Variants in CSMD1 observed in about 807,000 individuals in gnomAD.
CSMD1 encodes CUB and sushi domain-containing protein 1.
A neutral mutation model predicts 417.5 loss-of-function variants in CSMD1; 213 were observed. The observed-to-expected ratio is 0.51, with a 90% CI of 0.46 to 0.57. The LOEUF (loss-of-function observed/expected upper bound fraction) is 0.57, where lower values mean the gene tolerates loss of function less well. CSMD1 is among the 20% of genes least tolerant of loss of function. The pLI is 0.00. For missense variants in CSMD1, 6,923 were observed against 4,529.7 expected (o/e 1.53, Z -15.17); for synonymous variants, 2,862 against 1,736.8 (o/e 1.65, Z -16.11).
At chr8:4,204,743 C>T (rs945040587) in intron 3 of CSMD1, among the ~76,000 whole-genome samples, 1 of 152,138 alleles carries the variant, frequency 6.6e-6, no homozygotes, top group Non-Finnish European at 1.5e-5. Flanking sequence ...CAGCCTCAAC[C>T]TCCCAGCCTC....
intron 26 of CSMD1, among the ~76,000 whole-genome samples, chr8:3,251,010 G>A (rs1329528709): frequency 6.6e-6 from 1 of 152,076 alleles, no homozygotes; most frequent in African/African-American, 2.4e-5. Context: ...CCATTTTGTA[G>A]GTTGCCTGTT....
At chr8:4,653,562 A>G (rs1804042742) in intron 1 of CSMD1, among the ~76,000 whole-genome samples, 1 of 152,056 alleles carries the variant, frequency 6.6e-6, no homozygotes, top group Non-Finnish European at 1.5e-5. Context: ...TTGTTTCAAA[A>G]TGGAAAGTTT....
chr8:4,294,020 C>T (rs1255321936), intron 3 of CSMD1, among the ~76,000 whole-genome samples: 1 of 152,152 alleles, frequency 6.6e-6, no homozygotes, highest in Non-Finnish European at 1.5e-5. Flanking sequence ...GGATAAGAAT[C>T]AGGACTTCTG....
chr8:4,882,389 T>C (rs7012554), intron 1 of CSMD1, among the ~76,000 whole-genome samples: 2,920 of 151,628 alleles, frequency 0.019, 117 homozygotes, highest in African/African-American at 0.067. Context: ...TTGAAGAGTA[T>C]TGGGGAGCGA....
intron 2 of CSMD1, among the ~76,000 whole-genome samples, chr8:4,528,955 T>G (rs776169728): frequency 2.0e-5 from 3 of 152,226 alleles, no homozygotes; most frequent in African/African-American, 7.2e-5. Context: ...GAACATACTG[T>G]ATTTTTGTTA....
At chr8:4,957,517 C>A (rs1224176516) in intron 1 of CSMD1, among the ~76,000 whole-genome samples, 1 of 152,120 alleles carries the variant, frequency 6.6e-6, no homozygotes, top group Non-Finnish European at 1.5e-5. Flanking sequence ...TTCTTATCAA[C>A]TTTTCTGAAG....
At chr8:3,819,718 C>A (rs1420970324) in intron 5 of CSMD1, among the ~76,000 whole-genome samples, 1 of 152,136 alleles carries the variant, frequency 6.6e-6, no homozygotes, top group South Asian at 2.1e-4. Flanking sequence ...TCCTGGGGAA[C>A]TGGGACCACA....
intron 36 of CSMD1, among the ~76,000 whole-genome samples, chr8:3,186,002 A>C (rs1391694556): frequency 6.6e-6 from 1 of 150,728 alleles, no homozygotes; most frequent in Non-Finnish European, 1.5e-5. Flanking sequence ...ATTTTAATTT[A>C]TTTTTCCCAG....
intron 3 of CSMD1, among the ~76,000 whole-genome samples, chr8:4,036,785 T>C (rs1377659702): frequency 6.6e-6 from 1 of 152,226 alleles, no homozygotes. Flanking sequence ...AGCACCACTA[T>C]TTCATTATAA....
intron 57 of CSMD1, among the ~76,000 whole-genome samples, chr8:2,972,186 GA>G (rs1166656550): frequency 6.6e-6 from 1 of 151,798 alleles, no homozygotes; most frequent in African/African-American, 2.4e-5. Context: ...TACCTATATA[GA>G]ATGTATAATA....
chr8:3,560,222 A>G lies in CSMD1; in HGVS notation c.1344+14723T>C, dbSNP rs190861253. 2.5e-3 allele frequency among the ~76,000 whole-genome samples: 374 copies of G among 152,294 alleles called. 2 individuals are homozygous for G. Among genetic ancestry groups the G allele is most frequent in the African/African-American group, 7.8e-3 (325 of 41,562 alleles). On this transcript the variant is annotated intron_variant, in intron 10 of 69. Transcript: ENST00000635120. ...CAAAGAAATTCAAGGTCCAAAGAAG[A>G]AATTATATTAATAGAAGGATAATAT...
intron 1 of CSMD1, among the ~76,000 whole-genome samples, chr8:4,890,407 C>G (rs1223865812): frequency 6.6e-6 from 1 of 152,012 alleles, no homozygotes; most frequent in Non-Finnish European, 1.5e-5. Context: ...CTGGGCAAGA[C>G]AGGTGAGAGC....
chr8:3,491,429 G>A (rs577840864), intron 11 of CSMD1, among the ~76,000 whole-genome samples: 80 of 152,256 alleles, frequency 5.3e-4, no homozygotes, highest in African/African-American at 1.9e-3. Context: ...TGCATGGTGC[G>A]TAAAAGATAC....
intron 8 of CSMD1, among the ~76,000 whole-genome samples, chr8:3,589,350 C>T (rs541121525): frequency 6.6e-6 from 1 of 151,046 alleles, no homozygotes; most frequent in African/African-American, 2.4e-5. Flanking sequence ...GGGTCCAACA[C>T]TGGACTGAGA....
rs562171178 is a variant in CSMD1, at chr8:3,698,049, T to G, written c.1009+10365A>C. On this transcript the variant is annotated intron_variant, in intron 7 of 69. Coordinates refer to ENST00000635120, the MANE Select transcript of CSMD1 (RefSeq NM_033225.6). ...TTATGTATTTTAATAGATCCTTTTT[T>G]TCTGTTTATTTAAAAAATTATATGA... is the stretch of plus-strand genomic sequence containing the variant. Among the ~76,000 whole-genome samples, 859 of 152,290 alleles carry G rather than the reference T, an allele frequency of 5.6e-3. 4 individuals are homozygous for G. The highest frequency in any genetic ancestry group is 0.038 in the South Asian group (181 of 4,820).
intron 1 of CSMD1, among the ~76,000 whole-genome samples, chr8:4,665,742 C>A (rs1364633205): frequency 6.6e-6 from 1 of 152,170 alleles, no homozygotes; most frequent in Non-Finnish European, 1.5e-5. Context: ...GAATATTAAA[C>A]AATGTGGTTA....
intron 3 of CSMD1, among the ~76,000 whole-genome samples, chr8:4,245,768 G>A (rs187776356): frequency 1.3e-5 from 2 of 152,042 alleles, no homozygotes; most frequent in Non-Finnish European, 2.9e-5. Flanking sequence ...ACCCAACTCT[G>A]TTTTCATATT....
At chr8:3,778,798 G>T (rs541268553) in intron 5 of CSMD1, among the ~76,000 whole-genome samples, 2 of 152,234 alleles carry the variant, frequency 1.3e-5, no homozygotes, top group South Asian at 2.1e-4. Flanking sequence ...TTCATGCTCC[G>T]AACACTTTTC....
At chr8:4,351,365 C>G (rs781453651) in intron 3 of CSMD1, among the ~76,000 whole-genome samples, 1 of 152,210 alleles carries the variant, frequency 6.6e-6, no homozygotes, top group African/African-American at 2.4e-5. Context: ...TCTCCTTATT[C>G]GTCTTGTTCT....
Sources: gnomAD v4.1 joint callset for allele counts (sites outside exome capture counted in the v4.1 genomes callset) on GRCh38, gnomAD v4.1.1 for gene constraint, MANE v1.5 for transcripts, NCBI Gene and HGNC (gene_info 2026-07-23, HGNC 2026-07-21) for gene names.